Variants in LRRC20 observed in about 807,000 individuals in gnomAD.
LRRC20 encodes the protein leucine rich repeat containing 20, also known as leucine-rich repeat-containing protein 20.
LRRC20 carries 11 observed loss-of-function variants against 14.4 expected under a neutral mutation model. The ratio of observed to expected loss-of-function variants is 0.77; its 90% confidence interval spans 0.48 to 1.27. LRRC20 has a LOEUF of 1.27. Ranked by LOEUF, LRRC20 falls within the 50% of genes most tolerant of loss-of-function variation. LRRC20 has a pLI of 0.00. For synonymous variants in LRRC20, 121 were observed against 107.3 expected, an observed-to-expected ratio of 1.13 and a Z score of -0.79; for missense variants, 219 against 251.2, an observed-to-expected ratio of 0.87 and a Z score of 0.87.
chr10:70,363,941 G>A (rs1251374118), intron 2 of LRRC20, among the ~76,000 whole-genome samples: 2 of 152,146 alleles, frequency 1.3e-5, no homozygotes, highest in East Asian at 3.9e-4. Flanking sequence ...ACCCTGCAGT[G>A]GGGACCTCCA....
At chr10:70,358,598 C>CA (rs1376797923) in intron 2 of LRRC20, among the ~76,000 whole-genome samples, 1 of 152,210 alleles carries the variant, frequency 6.6e-6, no homozygotes, top group Admixed American at 6.5e-5. Flanking sequence ...CTGCCCCAGA[C>CA]AGACACCACT....
At chr10:70,356,458 G>A (rs1365433787) in intron 2 of LRRC20, among the ~76,000 whole-genome samples, 4 of 152,190 alleles carry the variant, frequency 2.6e-5, no homozygotes, top group African/African-American at 9.7e-5. Flanking sequence ...AGAGGTTGCA[G>A]TGAGCCAAGA....
chr10:70,325,464 G>A (rs1052535375), intron 3 of LRRC20, among the ~76,000 whole-genome samples: 1 of 152,192 alleles, frequency 6.6e-6, no homozygotes, highest in Non-Finnish European at 1.5e-5. Flanking sequence ...ATGTGTCTCA[G>A]GGTGGAGCAC....
chr10:70,317,372 ATTG>A (rs1188230527), intron 4 of LRRC20, among the ~76,000 whole-genome samples: 1 of 150,480 alleles, frequency 6.6e-6, no homozygotes, highest in East Asian at 1.9e-4. Flanking sequence ...TTTTTTTTAA[ATTG>A]TTGTTGCTGT....
chr10:70,330,600 T>C (rs1203386597), intron 3 of LRRC20, among the ~76,000 whole-genome samples: 2 of 152,138 alleles, frequency 1.3e-5, no homozygotes, highest in Non-Finnish European at 2.9e-5. Flanking sequence ...AGAGTAAATC[T>C]CCAGGTAGCC....
At position 70,323,773 on chromosome 10, in the gene LRRC20, C is replaced by T. The variant is rs149458505; in HGVS notation, c.400+90G>A. The T allele has an allele frequency of 2.7e-5, 38 of 1,426,998 alleles. No individual in the cohort carries two copies. The East Asian group carries it at 7.8e-4, about 29-fold the overall frequency. The allele number at this position is 1,426,998 out of a possible 1,614,324, so 88.4% of individuals were successfully genotyped here. On this transcript the variant is annotated intron_variant, in intron 4 of 4. Transcript: ENST00000446961. ...TCTCAGACAGAAAGCCCAAGCTTCT[C>T]CTCCCACCTGTGAAGGTCGACTCCA... is the stretch of plus-strand genomic sequence containing the variant.
At chr10:70,349,183 G>C (rs1429099706) in intron 2 of LRRC20, among the ~76,000 whole-genome samples, 2 of 152,356 alleles carry the variant, frequency 1.3e-5, no homozygotes, top group East Asian at 3.9e-4. Context: ...GGGTGAGGAC[G>C]TGAGGACCGC....
In LRRC20 at chr10:70,376,480, C is replaced by T. The variant is rs1294676316; in HGVS notation, c.54G>A (p.Glu18=). The stretch of plus-strand genomic sequence containing the variant: ...GAGTGTCAGAGCCGCTCTCCACCGT[C>T]TCGTTGACCTTCCTTGCTACTCTGG... The part of the protein sequence containing the change: ...AVARVARKVN[E]TVESGSDTLD... Residue 18 remains glutamate, a synonymous_variant, in exon 2 of 5, where the codon GAG becomes GAA. Coordinates refer to ENST00000446961, the MANE Select transcript of LRRC20 (RefSeq NM_001278212.2). 6.2e-7 allele frequency: 1 copy of T among 1,614,144 alleles called. No homozygotes were observed.
chr10:70,304,470 T>TTA lies in LRRC20; in HGVS notation c.401-2964_401-2963dup, dbSNP rs57284629. ...GCTATATAGATATCAGGCCACTTCT[T>TTA]TATATATATATATATATATATATAT... On this transcript the variant is annotated intron_variant, in intron 4 of 4. Coordinates refer to ENST00000446961, the MANE Select transcript of LRRC20 (RefSeq NM_001278212.2). 7.4e-3 allele frequency among the ~76,000 whole-genome samples: 847 copies of TTA among 113,742 alleles called. 19 individuals are homozygous for TTA. Among genetic ancestry groups the TTA allele is most frequent in the African/African-American group, 9.4e-3 (313 of 33,394 alleles). The allele number at this position is 113,742 out of a possible 152,430, so 74.6% of individuals were successfully genotyped here. A position where few individuals can be genotyped will look rare whatever the true frequency, so the allele number is the denominator to read the frequency against.
chr10:70,307,867 T>G (rs1425194511), intron 4 of LRRC20, among the ~76,000 whole-genome samples: 1 of 152,222 alleles, frequency 6.6e-6, no homozygotes, highest in Non-Finnish European at 1.5e-5. Context: ...GATGCCTGCA[T>G]GCAGTACAAC....
intron 3 of LRRC20, among the ~76,000 whole-genome samples, chr10:70,329,551 C>G (rs1364006325): frequency 7.1e-6 from 1 of 139,884 alleles, no homozygotes; most frequent in African/African-American, 2.6e-5. Context: ...TTGTGTGATT[C>G]TTCTTTTGCC....
chr10:70,322,116 T>C (rs1422245783), intron 4 of LRRC20, among the ~76,000 whole-genome samples: 1 of 12,902 alleles, frequency 7.8e-5, no homozygotes, highest in East Asian at 2.9e-3. Flanking sequence ...GTCGACCCGC[T>C]CCCTTATCTG....
intron 4 of LRRC20, among the ~76,000 whole-genome samples, chr10:70,303,027 A>G (rs1039123624): frequency 6.0e-5 from 9 of 151,256 alleles, no homozygotes; most frequent in Non-Finnish European, 1.3e-4. Context: ...TCTTAAAAGA[A>G]AAAAAAAAGG....
At chr10:70,313,744 C>T (rs1841751550) in intron 4 of LRRC20, among the ~76,000 whole-genome samples, 1 of 152,132 alleles carries the variant, frequency 6.6e-6, no homozygotes, top group Non-Finnish European at 1.5e-5. Context: ...AGTCATGTAG[C>T]CAGGGATCAC....
At chr10:70,305,223 T>C (rs528771367) in intron 4 of LRRC20, among the ~76,000 whole-genome samples, 1 of 152,194 alleles carries the variant, frequency 6.6e-6, no homozygotes, top group Non-Finnish European at 1.5e-5. Flanking sequence ...TTCAGACCCA[T>C]GTCATAACGT....
At chr10:70,368,528 G>A (rs550560475) in intron 2 of LRRC20, among the ~76,000 whole-genome samples, 1 of 151,336 alleles carries the variant, frequency 6.6e-6, no homozygotes, top group Non-Finnish European at 1.5e-5. Flanking sequence ...GACCTCAAGT[G>A]ATCTACCCAC....
chr10:70,360,585 C>T (rs763389764), intron 2 of LRRC20, among the ~76,000 whole-genome samples: 27 of 152,128 alleles, frequency 1.8e-4, no homozygotes, highest in South Asian at 2.1e-4. Flanking sequence ...TACAGGCTCA[C>T]GCCACCCTGC....
At chr10:70,349,915 G>T (rs572333621) in intron 2 of LRRC20, among the ~76,000 whole-genome samples, 1 of 152,298 alleles carries the variant, frequency 6.6e-6, no homozygotes, top group East Asian at 1.9e-4. Flanking sequence ...GATGTTTAGG[G>T]TCACCCTAGA....
chr10:70,315,182 T>C (rs751660968), intron 4 of LRRC20, among the ~76,000 whole-genome samples: 14 of 152,200 alleles, frequency 9.2e-5, no homozygotes, highest in Non-Finnish European at 2.1e-4. Context: ...TGGTCACTAG[T>C]GCACGGGACA....
Sources: allele counts gnomAD v4.1 joint callset (sites outside exome capture counted in the v4.1 genomes callset), GRCh38; gene constraint gnomAD v4.1.1; transcripts MANE v1.5; gene names NCBI Gene and HGNC (gene_info 2026-07-23, HGNC 2026-07-21).